VEGFC: variants seen among roughly 807,000 people sequenced by gnomAD.
The protein encoded by VEGFC is FLT4 ligand DHM.
VEGFC carries 12 observed loss-of-function variants against 46.1 expected under a neutral mutation model. The observed-to-expected ratio is 0.26, with a 90% CI of 0.17 to 0.42. The LOEUF is 0.42. VEGFC is among the 10% of genes least tolerant of loss of function. The probability of loss-of-function intolerance (pLI) is 1.00; values close to 1 mark genes in which losing one functional copy is unlikely to be tolerated. For synonymous variants in VEGFC, 232 were observed against 195.5 expected, an observed-to-expected ratio of 1.19 and a Z score of -1.56; for missense variants, 488 against 529.4, an observed-to-expected ratio of 0.92 and a Z score of 0.77.
chr4:176,698,950 T>C (rs1489340814), intron 4 of VEGFC, among the ~76,000 whole-genome samples: 1 of 152,218 alleles, frequency 6.6e-6, no homozygotes, highest in African/African-American at 2.4e-5. Context: ...AACTACTTAT[T>C]GATTTACTTC....
intron 1 of VEGFC, among the ~76,000 whole-genome samples, chr4:176,769,573 G>C (rs566235289): frequency 6.6e-6 from 1 of 152,122 alleles, no homozygotes; most frequent in African/African-American, 2.4e-5. Context: ...TATTCCATCT[G>C]TGGGGCCTTT....
intron 1 of VEGFC, among the ~76,000 whole-genome samples, chr4:176,775,846 C>G (rs1735805774): frequency 6.6e-6 from 1 of 151,822 alleles, no homozygotes; most frequent in Non-Finnish European, 1.5e-5. Flanking sequence ...ATTTCCCAAA[C>G]AATCAGAGAT....
chr4:176,726,140 T>C (rs1194992085), intron 3 of VEGFC, among the ~76,000 whole-genome samples: 6 of 152,152 alleles, frequency 3.9e-5, no homozygotes, highest in Non-Finnish European at 7.4e-5. Context: ...CTATGTCCAA[T>C]AGTATAATTA....
intron 4 of VEGFC, among the ~76,000 whole-genome samples, chr4:176,692,963 G>A (rs371162363): frequency 0.2 from 29,246 of 143,376 alleles, 5,104 homozygotes; most frequent in African/African-American, 0.49. Context: ...CATCCACACC[G>A]AAAACCCATC....
intron 1 of VEGFC, among the ~76,000 whole-genome samples, chr4:176,734,535 C>T (rs1735023598): frequency 6.6e-6 from 1 of 151,696 alleles, no homozygotes. Context: ...ATTTCTAAAA[C>T]AAATAACGTT....
intron 1 of VEGFC, among the ~76,000 whole-genome samples, chr4:176,757,928 T>A (rs1212962792): frequency 6.6e-6 from 1 of 152,048 alleles, no homozygotes; most frequent in Non-Finnish European, 1.5e-5. Context: ...TATACTGCCT[T>A]TGACTTAATC....
chr4:176,720,310 C>T (rs1734762250), intron 3 of VEGFC, among the ~76,000 whole-genome samples: 1 of 152,046 alleles, frequency 6.6e-6, no homozygotes, highest in African/African-American at 2.4e-5. Context: ...TTTAAAGACC[C>T]AGTTATTGTT....
intron 1 of VEGFC, among the ~76,000 whole-genome samples, chr4:176,762,234 G>C (rs1009155633): frequency 6.6e-6 from 1 of 152,170 alleles, no homozygotes; most frequent in African/African-American, 2.4e-5. Context: ...AATTCTAATT[G>C]CCAATGTAAG....
intron 1 of VEGFC, among the ~76,000 whole-genome samples, chr4:176,760,231 T>C (rs1038193888): frequency 3.3e-5 from 5 of 152,302 alleles, no homozygotes; most frequent in Middle Eastern, 3.4e-3. Flanking sequence ...ATATATATTT[T>C]AAGATATTTA....
At chr4:176,739,463 G>A (rs1735117632) in intron 1 of VEGFC, among the ~76,000 whole-genome samples, 2 of 151,900 alleles carry the variant, frequency 1.3e-5, no homozygotes, top group Admixed American at 6.6e-5. Context: ...GGAGCTGGAA[G>A]CCATCATCCT....
At chr4:176,789,589 T>C (rs1736056404) in intron 1 of VEGFC, among the ~76,000 whole-genome samples, 2 of 152,222 alleles carry the variant, frequency 1.3e-5, no homozygotes, top group African/African-American at 4.8e-5. Flanking sequence ...TATTCTCTTT[T>C]GTTCCCATCA....
At chr4:176,724,529 A>C (rs1411966726) in intron 3 of VEGFC, among the ~76,000 whole-genome samples, 1 of 152,214 alleles carries the variant, frequency 6.6e-6, no homozygotes, top group African/African-American at 2.4e-5. Flanking sequence ...CATTTACTAC[A>C]AATATTGGGT....
intron 4 of VEGFC, chr4:176,706,216 T>C (rs1029015547): frequency 8.5e-5 from 13 of 152,362 alleles, no homozygotes; most frequent in Admixed American, 5.9e-4. Flanking sequence ...TTTTCTCTAA[T>C]AGGATCTAGA....
intron 1 of VEGFC, among the ~76,000 whole-genome samples, chr4:176,772,211 A>T (rs942510826): frequency 6.6e-6 from 1 of 152,202 alleles, no homozygotes; most frequent in Non-Finnish European, 1.5e-5. Context: ...ACATTATTTA[A>T]TTGGTCTTAC....
intron 1 of VEGFC, among the ~76,000 whole-genome samples, chr4:176,771,250 T>C (rs867337505): frequency 1.3e-5 from 2 of 152,074 alleles, no homozygotes; most frequent in Admixed American, 6.6e-5. Context: ...ACAATTTAAA[T>C]AATATAAACT....
intron 4 of VEGFC, among the ~76,000 whole-genome samples, chr4:176,708,085 T>C (rs1422258436): frequency 6.6e-6 from 1 of 151,880 alleles, no homozygotes; most frequent in Non-Finnish European, 1.5e-5. Context: ...TTTCTCATAC[T>C]GAGCAAAGTT....
chr4:176,763,256 A>T (rs1020455124), intron 1 of VEGFC, among the ~76,000 whole-genome samples: 14 of 152,244 alleles, frequency 9.2e-5, no homozygotes, highest in Admixed American at 3.9e-4. Context: ...AAGGACCAAA[A>T]GTGAAAGATC....
intron 3 of VEGFC, among the ~76,000 whole-genome samples, chr4:176,723,108 A>T (rs1473184716): frequency 2.0e-5 from 3 of 152,202 alleles, no homozygotes. Flanking sequence ...TATGTAAAGT[A>T]TGCATTTATT....
At chr4:176,784,350 G>A (rs190716678) in intron 1 of VEGFC, among the ~76,000 whole-genome samples, 21 of 152,006 alleles carry the variant, frequency 1.4e-4, no homozygotes, top group African/African-American at 4.6e-4. Flanking sequence ...GATTACAGAC[G>A]TGAGCCACCA....
Sources: gnomAD v4.1 joint callset for allele counts (sites outside exome capture counted in the v4.1 genomes callset) on GRCh38, gnomAD v4.1.1 for gene constraint, MANE v1.5 for transcripts, NCBI Gene and HGNC (gene_info 2026-07-23, HGNC 2026-07-21) for gene names.